STAT4: variants seen among roughly 807,000 people sequenced by gnomAD.
STAT4 encodes signal transducer and activator of transcription 4.
STAT4 carries 42 observed loss-of-function variants against 110.5 expected under a neutral mutation model. The observed-to-expected ratio is 0.38, with a 90% confidence interval of 0.30 to 0.49. The LOEUF (loss-of-function observed/expected upper bound fraction) is 0.49. STAT4 is among the 20% of genes least tolerant of loss of function. The probability of loss-of-function intolerance (pLI) is 0.95; values close to 1 mark genes in which losing one functional copy is unlikely to be tolerated. For synonymous variants in STAT4, 284 were observed against 302.2 expected (o/e 0.94, Z 0.63); for missense variants, 632 against 887.9 (o/e 0.71, Z 3.66).
intron 8 of STAT4, among the ~76,000 whole-genome samples, chr2:191,064,107 G>A (rs774512942): frequency 2.6e-5 from 4 of 152,062 alleles, no homozygotes; most frequent in Admixed American, 6.5e-5. Context: ...TACATAGATC[G>A]GGAATGCCAG....
At chr2:191,055,603 T>G (rs1053928688) in intron 13 of STAT4, among the ~76,000 whole-genome samples, 3 of 151,948 alleles carry the variant, frequency 2.0e-5, no homozygotes, top group Non-Finnish European at 2.9e-5. Context: ...TCCACCCTCC[T>G]CGGCCTCCCA....
chr2:191,089,711 T>C (rs1309145864), intron 3 of STAT4, among the ~76,000 whole-genome samples: 1 of 152,184 alleles, frequency 6.6e-6, no homozygotes, highest in Non-Finnish European at 1.5e-5. Context: ...CGATAGAATA[T>C]TATTCAGCAC....
chr2:191,123,690 A>G (rs1310017295), intron 3 of STAT4, among the ~76,000 whole-genome samples: 4 of 152,246 alleles, frequency 2.6e-5, no homozygotes, highest in South Asian at 2.1e-4. Flanking sequence ...ATTAGGTAAT[A>G]AAGTGTTGAA....
intron 14 of STAT4, among the ~76,000 whole-genome samples, chr2:191,049,368 G>A (rs1294890276): frequency 5.9e-5 from 9 of 151,936 alleles, no homozygotes; most frequent in Admixed American, 5.2e-4. Flanking sequence ...AGTAGAGACG[G>A]GGTTTCACTG....
chr2:191,131,652 A>G, intron 3 of STAT4: 1 of 695,120 alleles, frequency 1.4e-6, no homozygotes, highest in Non-Finnish European at 2.0e-6. Flanking sequence ...GAGGCACAAG[A>G]GGCTTCAAAG....
rs1696580293 is a variant in STAT4, at chr2:191,053,110, G to A, written c.1251+1380C>T. Among the ~76,000 whole-genome samples the A allele has an allele frequency of 6.6e-6, 1 of 152,144 alleles. No individual in the cohort carries two copies. The highest frequency in any genetic ancestry group is 2.1e-4 in the South Asian group (1 of 4,820). On this transcript the variant is annotated intron_variant, in intron 14 of 23. Transcript: ENST00000392320. The surrounding 1 kb of genome is among the most constrained non-coding windows in gnomAD (Gnocchi z 4.5). ...GTGATGGATCTTTATGGTTTTGTGA[G>A]GTGTGATAAATTGGATGTCATTGGA...
At chr2:191,131,914 G>A (rs1485318683) in intron 3 of STAT4, 1 of 1,397,438 alleles carries the variant, frequency 7.2e-7, no homozygotes, top group East Asian at 2.9e-5. Context: ...AAGCAAATTA[G>A]AGGTCTGTTT....
At chr2:191,071,722 T>C (rs1697159803) in intron 5 of STAT4, among the ~76,000 whole-genome samples, 1 of 152,178 alleles carries the variant, frequency 6.6e-6, no homozygotes, top group Non-Finnish European at 1.5e-5. Context: ...AGTGGGGGAA[T>C]TACATTGATT....
At chr2:191,080,264 T>C (rs1213804456) in intron 3 of STAT4, among the ~76,000 whole-genome samples, 3 of 152,130 alleles carry the variant, frequency 2.0e-5, no homozygotes. Context: ...CATAGATATA[T>C]ATATTTACTA....
At chr2:191,125,036 G>T (rs987790228) in intron 3 of STAT4, among the ~76,000 whole-genome samples, 1 of 152,188 alleles carries the variant, frequency 6.6e-6, no homozygotes, top group Non-Finnish European at 1.5e-5. Flanking sequence ...ACAAATGTAA[G>T]AATCCGAGGG....
rs1415542923 is a variant in STAT4, at chr2:191,043,776, C to A, written c.1252-2628G>T. Among the ~76,000 whole-genome samples, 1 of 151,816 alleles carries A rather than the reference C, an allele frequency of 6.6e-6. No individual in the cohort carries two copies. Among genetic ancestry groups the A allele is most frequent in the African/African-American group, 2.4e-5 (1 of 41,188 alleles). ...CAGCGTTGGAATAAATGATCCACAG[C>A]AACATGAATCAACGTAGGAATGAGT... On this transcript the variant is annotated intron_variant, in intron 14 of 23. Transcript: ENST00000392320. The surrounding 1 kb of genome is among the most constrained non-coding windows in gnomAD (Gnocchi z 4.8).
intron 14 of STAT4, 139 bp from the exon 15 acceptor site, chr2:191,041,287 T>G: frequency 3.1e-6 from 1 of 319,386 alleles, no homozygotes. Context: ...TTATTGAACA[T>G]TCCCTCTTAT....
At chr2:191,076,023 AT>A (rs1255013003) in intron 4 of STAT4, 28,411 of 402,108 alleles carry the variant, frequency 0.071, 18 homozygotes, top group East Asian at 0.084. Context: ...CTAATTTTTA[AT>A]TTTTTTTTTT....
chr2:191,118,228 A>G (rs1698623079), intron 3 of STAT4, among the ~76,000 whole-genome samples: 1 of 152,234 alleles, frequency 6.6e-6, no homozygotes, highest in Non-Finnish European at 1.5e-5. Context: ...AATTTATCCT[A>G]AGGCTGTGGT....
rs142473062 is a variant in STAT4, at chr2:191,131,322, C to T, written c.273+15291G>A. ...AGAAATACAGGAAATAACGCAAATG[C>T]CCATCAACAGTAGAATGAATAAATT... On this transcript the variant is annotated intron_variant, in intron 3 of 23. Coordinates refer to ENST00000392320, the MANE Select transcript of STAT4 (RefSeq NM_003151.4). 3.3e-5 allele frequency among the ~76,000 whole-genome samples: 5 copies of T among 151,844 alleles called. No individual in the cohort carries two copies. The East Asian group carries it at 9.6e-4, about 29-fold the overall frequency.
chr2:191,118,004 T>A (rs1228937116), intron 3 of STAT4, among the ~76,000 whole-genome samples: 2 of 152,150 alleles, frequency 1.3e-5, no homozygotes, highest in Non-Finnish European at 2.9e-5. Context: ...AACAAACCAA[T>A]GCTTCTATCA....
At chr2:191,094,487 CTA>C (rs1294578196) in intron 3 of STAT4, among the ~76,000 whole-genome samples, 3 of 152,172 alleles carry the variant, frequency 2.0e-5, no homozygotes, top group Admixed American at 2.0e-4. Context: ...TCCAGCCAAA[CTA>C]AGCTTCATAA....
chr2:191,033,524 T>G lies in STAT4; in HGVS notation c.1818A>C (p.Gly606=). ...LLRFSESHLG[G]ITFTWVDHSE... ...AATGGTCCACCCAGGTGAAAGTTAT[T>G]CCTCCGAGATGGCTTTCACTGAATC... The change falls in exon 20 of 24, where the codon GGA becomes GGC. Residue 606 remains glycine (G), a synonymous_variant. Coordinates refer to ENST00000392320, the MANE Select transcript of STAT4 (RefSeq NM_003151.4). The surrounding 1 kb of genome is among the most constrained non-coding windows in gnomAD (Gnocchi z 6.9). 2 of 1,614,110 alleles carry G rather than the reference T, an allele frequency of 1.2e-6. No homozygotes were observed. The highest frequency in any genetic ancestry group is 1.7e-6 in the Non-Finnish European group (2 of 1,180,002).
At position 191,053,109 on chromosome 2, in the gene STAT4, A is replaced by T. The variant is rs1696580197; in HGVS notation, c.1251+1381T>A. 6.6e-6 allele frequency among the ~76,000 whole-genome samples: 1 copy of T among 152,182 alleles called. No homozygotes were observed. The highest frequency in any genetic ancestry group is 2.4e-5 in the African/African-American group (1 of 41,438). Reference sequence around the variant, plus strand: ...TGTGATGGATCTTTATGGTTTTGTGAGGTGTGATAAATTGGATGTCATTGG... The same window carrying T: ...TGTGATGGATCTTTATGGTTTTGTGTGGTGTGATAAATTGGATGTCATTGG... On this transcript the variant is annotated intron_variant, in intron 14 of 23. Transcript: ENST00000392320. This position sits in a 1 kb window ranked among gnomAD's most constrained non-coding sequence, Gnocchi z 4.5.
Sources: gnomAD v4.1 joint callset for allele counts (sites outside exome capture counted in the v4.1 genomes callset) on GRCh38, gnomAD v4.1.1 for gene constraint, Gnocchi (gnomAD v3.1) non-coding constraint, MANE v1.5 for transcripts, NCBI Gene and HGNC (gene_info 2026-07-23, HGNC 2026-07-21) for gene names.